The following CNTNAP2 variants were observed in gnomAD, a reference collection of about 807,000 sequenced individuals.
CNTNAP2 encodes the protein contactin associated protein 2, also known as contactin-associated protein-like 2.
In CNTNAP2, 98 loss-of-function variants were observed where a neutral mutation model predicts 155.2. The observed-to-expected ratio is 0.63, with a 90% confidence interval of 0.54 to 0.75. The LOEUF (loss-of-function observed/expected upper bound fraction) is 0.75. CNTNAP2 is among the 30% of genes least tolerant of loss of function. The probability of loss-of-function intolerance (pLI) is 0.00; values close to 1 mark genes in which losing one functional copy is unlikely to be tolerated. For synonymous variants in CNTNAP2, 651 were observed against 631.2 expected (o/e 1.03, Z -0.47); for missense variants, 1,727 against 1,688.1 (o/e 1.02, Z -0.40).
At chr7:147,378,375 C>T (rs533432643) in intron 9 of CNTNAP2, among the ~76,000 whole-genome samples, 1 of 151,770 alleles carries the variant, frequency 6.6e-6, no homozygotes, top group Non-Finnish European at 1.5e-5. Context: ...AATGGGGTAT[C>T]CATCACCTAA....
intron 1 of CNTNAP2, among the ~76,000 whole-genome samples, chr7:146,593,713 C>T (rs143052760): frequency 5.5e-4 from 84 of 152,234 alleles, no homozygotes; most frequent in African/African-American, 2.0e-3. Context: ...ATTTGCAATG[C>T]TCATCCCTCC....
chr7:148,015,051 C>T (rs1272107319), intron 15 of CNTNAP2, among the ~76,000 whole-genome samples: 4 of 140,666 alleles, frequency 2.8e-5, no homozygotes, highest in African/African-American at 1.0e-4. Flanking sequence ...TATAAGCCCA[C>T]ATAGCATGTT....
intron 1 of CNTNAP2, among the ~76,000 whole-genome samples, chr7:146,197,523 A>C (rs7795190): frequency 0.31 from 46,606 of 152,002 alleles, 8,379 homozygotes; most frequent in African/African-American, 0.5. Flanking sequence ...TTTTTGTTCC[A>C]TGATACTATT....
chr7:146,912,215 C>T (rs1796298085), intron 3 of CNTNAP2, among the ~76,000 whole-genome samples: 1 of 149,948 alleles, frequency 6.7e-6, no homozygotes, highest in African/African-American at 2.5e-5. Context: ...TTAAAATAGA[C>T]TATTAGGATG....
chr7:147,772,839 AC>A (rs1797496657), intron 13 of CNTNAP2, among the ~76,000 whole-genome samples: 2 of 151,994 alleles, frequency 1.3e-5, no homozygotes, highest in Admixed American at 6.6e-5. Flanking sequence ...AAAAACTCCA[AC>A]GGTTCTCACA....
At chr7:147,034,475 C>G (rs1022697195) in intron 3 of CNTNAP2, among the ~76,000 whole-genome samples, 1 of 152,058 alleles carries the variant, frequency 6.6e-6, no homozygotes, top group Non-Finnish European at 1.5e-5. Context: ...TCCTGAAGCC[C>G]TAGTGGGTGT....
chr7:146,906,792 G>A (rs1215008374), intron 3 of CNTNAP2, among the ~76,000 whole-genome samples: 7 of 152,044 alleles, frequency 4.6e-5, no homozygotes, highest in Non-Finnish European at 1.0e-4. Context: ...ACGGAACAAA[G>A]CTGGATGGAG....
intron 1 of CNTNAP2, among the ~76,000 whole-genome samples, chr7:146,353,408 A>G (rs1794951663): frequency 6.6e-6 from 1 of 152,136 alleles, no homozygotes; most frequent in African/African-American, 2.4e-5. Flanking sequence ...TTGAACTCCA[A>G]TTGTTGACAT....
intron 5 of CNTNAP2, among the ~76,000 whole-genome samples, chr7:147,114,731 A>C (rs1472053991): frequency 1.3e-5 from 2 of 152,128 alleles, no homozygotes; most frequent in East Asian, 3.9e-4. Flanking sequence ...TCTCTTGAAG[A>C]CAGCATACCA....
At chr7:146,766,896 T>C (rs1401956061) in intron 1 of CNTNAP2, among the ~76,000 whole-genome samples, 1 of 151,688 alleles carries the variant, frequency 6.6e-6, no homozygotes, top group African/African-American at 2.4e-5. Context: ...GAAAATGAAA[T>C]AAAAGAGTAA....
rs562847058 is a variant in CNTNAP2 at position 147,972,048 on chromosome 7, T to C, written c.2256-5814T>C. On this transcript the variant is annotated intron_variant, in intron 14 of 23. Coordinates refer to ENST00000361727, the MANE Select transcript of CNTNAP2 (RefSeq NM_014141.6). ...CCTCTCCTTTTGATTATAGCTATCTTGGTAGTGTGAAGTAGCATCTCAATG... is the reference window on the plus strand; with the variant it reads ...CCTCTCCTTTTGATTATAGCTATCTCGGTAGTGTGAAGTAGCATCTCAATG... 1.1e-4 allele frequency among the ~76,000 whole-genome samples: 16 copies of C among 152,326 alleles called. No individual in the cohort carries two copies. The South Asian group carries it at 3.1e-3, about 30-fold the overall frequency.
intron 15 of CNTNAP2, among the ~76,000 whole-genome samples, chr7:148,066,400 T>G (rs772611496): frequency 6.6e-6 from 1 of 152,236 alleles, no homozygotes; most frequent in Non-Finnish European, 1.5e-5. Flanking sequence ...AGATTTCTCT[T>G]CTTCCTTGGG....
intron 12 of CNTNAP2, among the ~76,000 whole-genome samples, chr7:147,619,766 G>A (rs890584893): frequency 6.6e-6 from 1 of 152,188 alleles, no homozygotes; most frequent in Non-Finnish European, 1.5e-5. Flanking sequence ...CCACCCTGAA[G>A]GGAAGGACAT....
chr7:147,828,719 C>T (rs1798500026), intron 13 of CNTNAP2, among the ~76,000 whole-genome samples: 1 of 152,134 alleles, frequency 6.6e-6, no homozygotes, highest in African/African-American at 2.4e-5. Flanking sequence ...TACTCCAGCT[C>T]AAGTGAATGC....
chr7:146,196,560 G>T (rs1471234762), intron 1 of CNTNAP2, among the ~76,000 whole-genome samples: 1 of 150,578 alleles, frequency 6.6e-6, no homozygotes, highest in African/African-American at 2.4e-5. Context: ...AAGGAGGGAG[G>T]GAGGGAGAGA....
intron 21 of CNTNAP2, among the ~76,000 whole-genome samples, chr7:148,306,159 T>C (rs956557903): frequency 6.6e-6 from 1 of 152,254 alleles, no homozygotes. Flanking sequence ...CTATTGTCAA[T>C]AGTATTGCTC....
At chr7:147,800,210 A>T (rs905606799) in intron 13 of CNTNAP2, among the ~76,000 whole-genome samples, 7 of 152,186 alleles carry the variant, frequency 4.6e-5, no homozygotes, top group Admixed American at 3.9e-4. Flanking sequence ...TATTTATTAT[A>T]TGCTGTGTGC....
At chr7:146,998,759 CTACTT>C (rs539923256) in intron 3 of CNTNAP2, among the ~76,000 whole-genome samples, 186 of 151,982 alleles carry the variant, frequency 1.2e-3, no homozygotes, top group African/African-American at 3.9e-3. Context: ...ATCGAATTGA[CTACTT>C]TATAATGACC....
intron 3 of CNTNAP2, among the ~76,000 whole-genome samples, chr7:147,013,256 C>T (rs1288858521): frequency 6.6e-6 from 1 of 151,866 alleles, no homozygotes; most frequent in Non-Finnish European, 1.5e-5. Context: ...GAGAGATGTC[C>T]CTGGAATGAT....
Sources: gnomAD v4.1 joint callset for allele counts (sites outside exome capture counted in the v4.1 genomes callset) on GRCh38, gnomAD v4.1.1 for gene constraint, MANE v1.5 for transcripts, NCBI Gene and HGNC (gene_info 2026-07-23, HGNC 2026-07-21) for gene names.